The following NKTR variants were observed in gnomAD, a reference collection of about 807,000 sequenced individuals.
NKTR encodes natural killer cell triggering receptor, also known as NK-tumor recognition protein.
A neutral mutation model predicts 156.3 loss-of-function variants in NKTR; 67 were observed. The ratio of observed to expected loss-of-function variants is 0.43; its 90% confidence interval spans 0.35 to 0.53. The LOEUF (loss-of-function observed/expected upper bound fraction) is 0.53, where lower values mean the gene tolerates loss of function less well. Among genes scored for constraint, NKTR ranks in the 20% least tolerant of loss-of-function variants. The pLI, the probability that NKTR is intolerant of heterozygous loss-of-function variation, is 0.01. For missense variants in NKTR, 1,604 were observed against 1,730.9 expected (o/e 0.93, Z 1.30); for synonymous variants, 640 against 596.6 (o/e 1.07, Z -1.06).
At position 42,632,750 on chromosome 3, in the gene NKTR, C is replaced by T; in HGVS notation, c.700C>T (p.Arg234Cys). 4 of 1,612,594 alleles carry T rather than the reference C, an allele frequency of 2.5e-6. No homozygotes were observed. The highest frequency in any genetic ancestry group is 2.2e-5 in the South Asian group (2 of 90,516). ...ACATAAGAGGAGGCCAAAAGTTAAA[C>T]GTTCTAAAAAGAGGCGAAAGGAAGC... is the stretch of plus-strand genomic sequence containing the variant. The part of the protein sequence containing the change: ...RKHKRRPKVK[R>C]SKKRRKEASS... The change falls in exon 9 of 17, where the codon CGT (arginine) becomes TGT (cysteine). Residue 234 changes from arginine (R) to cysteine (C), a missense_variant. Physicochemically the swap from Arg to Cys is radical, Grantham distance 180. This residue lies in a region of NKTR where 1,255 missense variants were observed against 1,243.7 expected (regional missense o/e 1.01). Transcript: ENST00000232978.
At chr3:42,613,203 T>C (rs1707010135) in intron 2 of NKTR, among the ~76,000 whole-genome samples, 1 of 152,120 alleles carries the variant, frequency 6.6e-6, no homozygotes, top group African/African-American at 2.4e-5. Flanking sequence ...AGCAGCTGCA[T>C]TTCCATGTGT....
chr3:42,615,510 T>C (rs986074721), intron 2 of NKTR, among the ~76,000 whole-genome samples: 1 of 152,160 alleles, frequency 6.6e-6, no homozygotes, highest in Non-Finnish European at 1.5e-5. Flanking sequence ...TTTCCAATTA[T>C]CTGTTAAGGA....
At chr3:42,603,750 T>A (rs1705864613) in intron 2 of NKTR, among the ~76,000 whole-genome samples, 1 of 151,352 alleles carries the variant, frequency 6.6e-6, no homozygotes, top group South Asian at 2.1e-4. Context: ...TTTTTTTTTT[T>A]TTTGAGGCGA....
chr3:42,640,679 C>G (rs1316509799), intron 13 of NKTR, among the ~76,000 whole-genome samples: 5 of 152,228 alleles, frequency 3.3e-5, no homozygotes, highest in African/African-American at 1.2e-4. Context: ...TTGCTGCCTT[C>G]TGTGCCTTCC....
intron 15 of NKTR, 173 bp downstream of exon 15, chr3:42,643,568 G>A: frequency 4.7e-6 from 3 of 638,718 alleles, no homozygotes; most frequent in Admixed American, 2.7e-5. Context: ...TTGGCCCATT[G>A]TACTCCAGTG....
chr3:42,643,852 A>T (rs1265414516), intron 15 of NKTR, 50 bp from the exon 16 acceptor site: 3 of 1,284,124 alleles, frequency 2.3e-6, no homozygotes, highest in East Asian at 2.3e-5. Flanking sequence ...ATAGGAACAT[A>T]TGAGTATCTG....
At chr3:42,601,354 CTT>C (rs1172871860) in intron 2 of NKTR, 3 of 285,056 alleles carry the variant, frequency 1.1e-5, no homozygotes, top group African/African-American at 4.4e-5. Flanking sequence ...TCTTTGAGGA[CTT>C]TTTCTCTCCC....
At chr3:42,603,795 G>C (rs1705877872) in intron 2 of NKTR, among the ~76,000 whole-genome samples, 1 of 148,858 alleles carries the variant, frequency 6.7e-6, no homozygotes, top group African/African-American at 2.5e-5. Context: ...GAGTGCAGTG[G>C]TGCCATCTCG....
chr3:42,620,433 A>C (rs1351593113), intron 5 of NKTR: 3 of 999,782 alleles, frequency 3.0e-6, no homozygotes, highest in African/African-American at 3.5e-5. Flanking sequence ...TAGAAAAGTC[A>C]GTTGCAGAGA....
In NKTR at chr3:42,637,272, C is replaced by A; in HGVS notation, c.1568C>A (p.Ser523Tyr). 6.2e-7 allele frequency: 1 copy of A among 1,613,706 alleles called. No homozygotes were observed. Among genetic ancestry groups the A allele is most frequent in the Non-Finnish European group, 8.5e-7 (1 of 1,179,918 alleles). ...AGCAGAGACTCATACAGATCAAAAT[C>A]TCACTCACAGTCTTATTCTAGAGGA... ...HSSRDSYRSK[S>Y]HSQSYSRGSS... is the part of the protein sequence containing the mutation. The change falls in exon 13 of 17, where the codon TCT (serine) becomes TAT (tyrosine). Residue 523 changes from serine (S) to tyrosine (Y), a missense_variant. Transcript: ENST00000232978.
chr3:42,638,877 CTG>C lies in NKTR; in HGVS notation c.3174_3175del (p.Lys1060IlefsTer3). 6.2e-7 allele frequency: 1 copy of C among 1,608,196 alleles called. No homozygotes were observed. On this transcript the variant is annotated frameshift_variant, in exon 13 of 17. Transcript: ENST00000232978. LOFTEE classifies it high-confidence loss of function. ...ACCATAAAAGATAATATTCTAAAAA[CTG>C]AGAAATCCAGTGAAGAGGACCTTTC...
At chr3:42,642,706 C>CCAG in intron 14 of NKTR, 110 bp downstream of exon 14, 1 of 742,422 alleles carries the variant, frequency 1.3e-6, no homozygotes, top group Non-Finnish European at 2.4e-6. Flanking sequence ...ACTGAATATA[C>CCAG]TACTGGCCTA....
intron 13 of NKTR, among the ~76,000 whole-genome samples, chr3:42,641,548 T>TATA (rs1709883560): frequency 1.3e-5 from 2 of 152,184 alleles, no homozygotes; most frequent in Non-Finnish European, 2.9e-5. Flanking sequence ...TAAAAAGCTA[T>TATA]ATAATACATA....
At chr3:42,619,301 C>T in intron 4 of NKTR, 174 bp downstream of exon 4, 1 of 1,388,422 alleles carries the variant, frequency 7.2e-7, no homozygotes. Flanking sequence ...AAGCAAAGTA[C>T]CACGTAAGAC....
chr3:42,633,660 A>G lies in NKTR; in HGVS notation c.854A>G (p.Glu285Gly). 1 of 1,614,190 alleles carries G rather than the reference A, an allele frequency of 6.2e-7. No homozygotes were observed. Among genetic ancestry groups the G allele is most frequent in the Non-Finnish European group, 8.5e-7 (1 of 1,180,022 alleles). Residue 285 changes from glutamate to glycine, a missense_variant, in exon 10 of 17, where the codon GAA (glutamate) becomes GGA (glycine). Coordinates refer to ENST00000232978, the MANE Select transcript of NKTR (RefSeq NM_005385.4). ...AGGGAAAAACCTGTGGTCCGCCCAG[A>G]AGAGATTCCTCCAGTGCCTGAGAAC... ...AKREKPVVRP[E>G]EIPPVPENRF...
chr3:42,624,210 T>C (rs550525334), intron 6 of NKTR, among the ~76,000 whole-genome samples: 5 of 152,034 alleles, frequency 3.3e-5, no homozygotes, highest in Admixed American at 6.6e-5. Flanking sequence ...GTAACTTTAT[T>C]TCTAGTACTG....
chr3:42,607,009 C>T (rs1481894516), intron 2 of NKTR, among the ~76,000 whole-genome samples: 1 of 152,034 alleles, frequency 6.6e-6, no homozygotes, highest in Non-Finnish European at 1.5e-5. Flanking sequence ...TACGTAATCA[C>T]TTTTGGTGAC....
intron 2 of NKTR, among the ~76,000 whole-genome samples, chr3:42,615,851 A>G (rs1264445409): frequency 6.6e-6 from 1 of 152,104 alleles, no homozygotes; most frequent in African/African-American, 2.4e-5. Flanking sequence ...AGTTACTATT[A>G]CTGATATTAT....
At chr3:42,607,393 C>A (rs2125762070) in intron 2 of NKTR, among the ~76,000 whole-genome samples, 1 of 152,134 alleles carries the variant, frequency 6.6e-6, no homozygotes, top group Non-Finnish European at 1.5e-5. Flanking sequence ...TGCAAAGTAT[C>A]CAACAGATTA....
Sources: gnomAD v4.1 joint callset for allele counts (sites outside exome capture counted in the v4.1 genomes callset) on GRCh38, gnomAD v4.1.1 for gene constraint, gnomAD v4.1.1 regional missense constraint, MANE v1.5 for transcripts, NCBI Gene and HGNC (gene_info 2026-07-23, HGNC 2026-07-21) for gene names.